TBC1D32: variants seen among roughly 807,000 people sequenced by gnomAD.
The protein encoded by TBC1D32 is TBC1 domain family member 32, also known as protein broad-minded.
A neutral mutation model predicts 170.3 loss-of-function variants in TBC1D32; 151 were observed. The observed-to-expected ratio is 0.89, with a 90% CI of 0.78 to 1.01. The LOEUF (loss-of-function observed/expected upper bound fraction) is 1.01. TBC1D32 is among the 50% of genes least tolerant of loss of function. The pLI is 0.00. For missense variants in TBC1D32, 1,464 were observed against 1,457.1 expected, an observed-to-expected ratio of 1.00 and a Z score of -0.08; for synonymous variants, 498 against 488.0, an observed-to-expected ratio of 1.02 and a Z score of -0.27.
At chr6:121,293,909 T>A (rs2128466220) in intron 11 of TBC1D32, among the ~76,000 whole-genome samples, 1 of 152,114 alleles carries the variant, frequency 6.6e-6, no homozygotes, top group South Asian at 2.1e-4. Flanking sequence ...AGACTCTGTC[T>A]AAAAAAATAA....
chr6:121,300,994 C>T (rs1429224287), intron 9 of TBC1D32, among the ~76,000 whole-genome samples: 1 of 152,136 alleles, frequency 6.6e-6, no homozygotes, highest in African/African-American at 2.4e-5. Flanking sequence ...AATGAGATAC[C>T]ATCTCACATC....
At chr6:121,197,069 T>C (rs1790825464) in intron 22 of TBC1D32, among the ~76,000 whole-genome samples, 1 of 152,192 alleles carries the variant, frequency 6.6e-6, no homozygotes, top group Non-Finnish European at 1.5e-5. Context: ...ACTTTGGGTT[T>C]CTCCTACATT....
At chr6:121,189,650 C>A (rs1214342960) in intron 22 of TBC1D32, among the ~76,000 whole-genome samples, 6 of 152,018 alleles carry the variant, frequency 3.9e-5, no homozygotes, top group Non-Finnish European at 8.8e-5. Flanking sequence ...ACACTATACA[C>A]AGCTGCATAG....
At chr6:121,224,566 C>G (rs977183360) in intron 20 of TBC1D32, 2 of 152,106 alleles carry the variant, frequency 1.3e-5, no homozygotes, top group African/African-American at 4.8e-5. Flanking sequence ...GACACATACT[C>G]AGAAAGTTGG....
chr6:121,318,854 G>A (rs1275873507), intron 2 of TBC1D32, among the ~76,000 whole-genome samples: 1 of 150,972 alleles, frequency 6.6e-6, no homozygotes, highest in Non-Finnish European at 1.5e-5. Context: ...AATATGCACA[G>A]AAATGTCCTT....
At position 121,303,606 on chromosome 6, in the gene TBC1D32, T is replaced by C. The variant is rs1806814786; in HGVS notation, c.1080+11A>G. Reference sequence around the variant, plus strand: ...CACTAAAAGGTATAAAAATATTCTATTTTTCCTTACCATCCACTTTTTGAA... The same window carrying C: ...CACTAAAAGGTATAAAAATATTCTACTTTTCCTTACCATCCACTTTTTGAA... On this transcript the variant is annotated intron_variant, in intron 9 of 31. Transcript: ENST00000398212. The C allele has an allele frequency of 6.5e-7, 1 of 1,527,084 alleles. No individual in the cohort carries two copies. 94.6% of individuals were successfully genotyped at this position (1,527,084 alleles called of 1,614,324 possible).
chr6:121,090,379 A>T (rs1776681308), intron 31 of TBC1D32, among the ~76,000 whole-genome samples: 1 of 152,232 alleles, frequency 6.6e-6, no homozygotes, highest in South Asian at 2.1e-4. Flanking sequence ...TATCTTTTTT[A>T]AAAATAGCAC....
At chr6:121,273,017 C>A (rs1412337886) in intron 15 of TBC1D32, among the ~76,000 whole-genome samples, 2 of 151,864 alleles carry the variant, frequency 1.3e-5, no homozygotes, top group African/African-American at 4.8e-5. Flanking sequence ...GGAGAAAAAA[C>A]CAAACACTGC....
At chr6:121,230,961 C>T (rs1795665964) in intron 20 of TBC1D32, among the ~76,000 whole-genome samples, 2 of 152,072 alleles carry the variant, frequency 1.3e-5, no homozygotes, top group African/African-American at 4.8e-5. Flanking sequence ...TCCCTGAGTC[C>T]CCAAAGACTG....
At chr6:121,115,555 T>C (rs1473250429) in intron 26 of TBC1D32, 2 of 199,134 alleles carry the variant, frequency 1.0e-5, no homozygotes, top group African/African-American at 4.6e-5. Flanking sequence ...GGTCTAGAAA[T>C]ACTACTTTCA....
chr6:121,281,161 G>C lies in TBC1D32; in HGVS notation c.1608+383C>G, dbSNP rs568924320. 6.6e-5 allele frequency among the ~76,000 whole-genome samples: 10 copies of C among 150,716 alleles called. 1 individual carries two copies. The South Asian group carries it at 2.1e-3, about 32-fold the overall frequency. On this transcript the variant is annotated intron_variant, in intron 14 of 31. Transcript: ENST00000398212. Reference sequence around the variant, plus strand: ...TTCTTCTTAATATAAAACAGAGTTGGTTACTAAGGAAAATAATCACATTTC... The same window carrying C: ...TTCTTCTTAATATAAAACAGAGTTGCTTACTAAGGAAAATAATCACATTTC...
At chr6:121,142,080 C>G (rs1014949235) in intron 24 of TBC1D32, among the ~76,000 whole-genome samples, 1 of 152,242 alleles carries the variant, frequency 6.6e-6, no homozygotes, top group Non-Finnish European at 1.5e-5. Context: ...AAGCCTTTGT[C>G]ATTAAATCTG....
At chr6:121,265,464 T>C (rs1800343614) in intron 15 of TBC1D32, among the ~76,000 whole-genome samples, 1 of 151,954 alleles carries the variant, frequency 6.6e-6, no homozygotes, top group Non-Finnish European at 1.5e-5. Flanking sequence ...AGAATCAACA[T>C]TGTGAAAATG....
In TBC1D32 at chr6:121,308,040, T is replaced by C. The variant is rs1807597745; in HGVS notation, c.626A>G (p.Glu209Gly). 1 of 1,613,800 alleles carries C rather than the reference T, an allele frequency of 6.2e-7. No homozygotes were observed. ...SAPPSDVLNCENWTTLCEKLT... is the reference protein window; with the variant it reads ...SAPPSDVLNCGNWTTLCEKLT... ...TTTTTCGCAGAGAGTAGTCCAATTT[T>C]CACAGTTGAGGACATCAGATGGAGG... is the stretch of plus-strand genomic sequence containing the variant. The change falls in exon 5 of 32, where the codon GAA (glutamate) becomes GGA (glycine). Residue 209 changes from glutamate (E) to glycine (G), a missense_variant. Glu to Gly is a moderately conservative substitution (Grantham distance 98). Coordinates refer to ENST00000398212, the MANE Select transcript of TBC1D32 (RefSeq NM_152730.6).
At chr6:121,279,386 G>T in intron 14 of TBC1D32, 141 bp from the exon 15 acceptor site, 1 of 973,954 alleles carries the variant, frequency 1.0e-6, no homozygotes, top group Non-Finnish European at 1.5e-6. Context: ...GTTTGGCTGT[G>T]AAATAATATG....
intron 17 of TBC1D32, among the ~76,000 whole-genome samples, chr6:121,253,212 G>T (rs1443233377): frequency 1.3e-5 from 2 of 152,042 alleles, no homozygotes; most frequent in East Asian, 1.9e-4. Context: ...GTCTAACAAA[G>T]GACTAATTTC....
chr6:121,113,229 T>C (rs947358576), intron 27 of TBC1D32, 52 bp from the exon 28 acceptor site: 1 of 1,234,112 alleles, frequency 8.1e-7, no homozygotes, highest in Non-Finnish European at 1.2e-6. Context: ...GCATTGAATG[T>C]TTTAAAATTA....
intron 5 of TBC1D32, among the ~76,000 whole-genome samples, chr6:121,306,687 T>C (rs934828567): frequency 6.6e-6 from 1 of 152,198 alleles, no homozygotes; most frequent in Non-Finnish European, 1.5e-5. Context: ...ATTCCCATCA[T>C]AGATACTACC....
At chr6:121,290,966 A>T (rs957522124) in intron 12 of TBC1D32, among the ~76,000 whole-genome samples, 2 of 65,542 alleles carry the variant, frequency 3.1e-5, no homozygotes, top group African/African-American at 6.3e-5. Context: ...ACACATGGAC[A>T]CAGGAAGGGG....
Sources: gnomAD v4.1 joint callset for allele counts (sites outside exome capture counted in the v4.1 genomes callset) on GRCh38, gnomAD v4.1.1 for gene constraint, MANE v1.5 for transcripts, NCBI Gene and HGNC (gene_info 2026-07-23, HGNC 2026-07-21) for gene names.